The following NKAIN3 variants were observed in gnomAD, a reference collection of about 807,000 sequenced individuals.
NKAIN3 encodes sodium/potassium-transporting ATPase subunit beta-1-interacting protein 3.
NKAIN3 carries 25 observed loss-of-function variants against 30.2 expected under a neutral mutation model. That is an observed-to-expected ratio of 0.83 (90% confidence interval 0.60 to 1.16). The LOEUF is 1.16. Among genes scored for constraint, NKAIN3 ranks in the 50% most tolerant of loss-of-function variants. The pLI is 0.00. For synonymous variants in NKAIN3, 91 were observed against 89.6 expected (o/e 1.02, Z -0.09); for missense variants, 225 against 254.1 (o/e 0.89, Z 0.78).
chr8:62,299,937 G>A (rs1813986485), intron 1 of NKAIN3, among the ~76,000 whole-genome samples: 1 of 152,088 alleles, frequency 6.6e-6, no homozygotes, highest in South Asian at 2.1e-4. Flanking sequence ...GCTTTAAATT[G>A]TAGTGTGGAT....
At chr8:62,613,708 T>C (rs545284321) in intron 3 of NKAIN3, among the ~76,000 whole-genome samples, 1 of 152,226 alleles carries the variant, frequency 6.6e-6, no homozygotes, top group African/African-American at 2.4e-5. Flanking sequence ...TATTGTTTTT[T>C]ATTCCTTTTT....
intron 1 of NKAIN3, among the ~76,000 whole-genome samples, chr8:62,281,325 G>A (rs548644182): frequency 6.6e-6 from 1 of 152,106 alleles, no homozygotes; most frequent in East Asian, 1.9e-4. Flanking sequence ...CAAAAAACCA[G>A]CTCCTGGATT....
chr8:62,631,216 G>C (rs950240145), intron 3 of NKAIN3, among the ~76,000 whole-genome samples: 2 of 152,100 alleles, frequency 1.3e-5, no homozygotes, highest in Admixed American at 6.6e-5. Flanking sequence ...TCTCCAGAGA[G>C]ACATTGTTCC....
At chr8:62,916,776 G>A (rs1045739654) in intron 4 of NKAIN3, among the ~76,000 whole-genome samples, 12 of 152,092 alleles carry the variant, frequency 7.9e-5, no homozygotes, top group African/African-American at 2.7e-4. Flanking sequence ...CTGCGTTATC[G>A]TGGGGATGAA....
intron 5 of NKAIN3, among the ~76,000 whole-genome samples, chr8:62,997,881 A>G (rs1027348435): frequency 2.0e-5 from 3 of 152,170 alleles, no homozygotes; most frequent in African/African-American, 7.2e-5. Context: ...AACTTCAACT[A>G]AAGACTTGTA....
At chr8:62,416,296 A>G (rs1804442626) in intron 1 of NKAIN3, among the ~76,000 whole-genome samples, 1 of 152,068 alleles carries the variant, frequency 6.6e-6, no homozygotes. Flanking sequence ...AGTTTCTTAT[A>G]GTTTTGTGAG....
At chr8:62,788,358 A>G (rs1196688189) in intron 4 of NKAIN3, among the ~76,000 whole-genome samples, 239 of 152,200 alleles carry the variant, frequency 1.6e-3, no homozygotes, top group Non-Finnish European at 2.5e-3. Flanking sequence ...GTCTGTTCAT[A>G]TCCTTCGCCC....
chr8:62,690,275 G>C (rs1487132044), intron 3 of NKAIN3, among the ~76,000 whole-genome samples: 1 of 152,082 alleles, frequency 6.6e-6, no homozygotes, highest in African/African-American at 2.4e-5. Flanking sequence ...ACCAATTACA[G>C]GGCTTCTTAC....
intron 1 of NKAIN3, among the ~76,000 whole-genome samples, chr8:62,559,871 T>C (rs1809515290): frequency 6.6e-6 from 1 of 152,138 alleles, no homozygotes; most frequent in South Asian, 2.1e-4. Context: ...GGTGTCCTGT[T>C]GCTTCAAAAT....
At chr8:62,529,238 T>A (rs1437064972) in intron 1 of NKAIN3, among the ~76,000 whole-genome samples, 1 of 152,184 alleles carries the variant, frequency 6.6e-6, no homozygotes, top group Non-Finnish European at 1.5e-5. Context: ...AACTTGACAT[T>A]TCTTTAATTT....
intron 1 of NKAIN3, among the ~76,000 whole-genome samples, chr8:62,396,007 T>C (rs1163464492): frequency 6.6e-6 from 1 of 152,204 alleles, no homozygotes; most frequent in African/African-American, 2.4e-5. Flanking sequence ...ACCAGAATTA[T>C]AGAAATGTGG....
chr8:62,881,079 A>G (rs1820964536), intron 4 of NKAIN3, among the ~76,000 whole-genome samples: 2 of 152,192 alleles, frequency 1.3e-5, no homozygotes, highest in Non-Finnish European at 2.9e-5. Context: ...AGAGTGTTAC[A>G]TTTATTACAA....
chr8:62,582,253 A>G (rs1810328062), intron 2 of NKAIN3, among the ~76,000 whole-genome samples: 1 of 150,584 alleles, frequency 6.6e-6, no homozygotes. Context: ...AGAGATATTT[A>G]TTGAGCTTCT....
At chr8:62,737,689 A>G (rs1057205827) in intron 3 of NKAIN3, among the ~76,000 whole-genome samples, 7 of 152,234 alleles carry the variant, frequency 4.6e-5, no homozygotes, top group African/African-American at 1.7e-4. Context: ...TTTGGCACCC[A>G]TCAAGTGGAA....
chr8:62,985,926 T>G (rs1265991138), downstream of NKAIN3, among the ~76,000 whole-genome samples: 1 of 152,096 alleles, frequency 6.6e-6, no homozygotes, highest in African/African-American at 2.4e-5. Flanking sequence ...AAATTCATAC[T>G]TTTTTTTCCA....
chr8:62,740,996 G>T (rs900857661), intron 3 of NKAIN3, among the ~76,000 whole-genome samples: 2 of 145,962 alleles, frequency 1.4e-5, no homozygotes, highest in African/African-American at 5.1e-5. Context: ...ACCATTTAAT[G>T]TTCTTACTAC....
At chr8:62,614,346 A>G (rs1385507213) in intron 3 of NKAIN3, among the ~76,000 whole-genome samples, 2 of 151,736 alleles carry the variant, frequency 1.3e-5, no homozygotes, top group Non-Finnish European at 2.9e-5. Flanking sequence ...ACTTTCTCCA[A>G]AACATACAGA....
At position 62,916,548 on chromosome 8, in the gene NKAIN3, T is replaced by C. The variant is rs150787000; in HGVS notation, c.472-1905T>C. ...GTCCCTTCAAGTACACATTACGGCT[T>C]TGTTCAGTCTCACCCTTTGGATCAT... On this transcript the variant is annotated intron_variant, in intron 4 of 6. Coordinates refer to ENST00000623646, the MANE Select transcript of NKAIN3 (RefSeq NM_001304533.3). Among the ~76,000 whole-genome samples the C allele has an allele frequency of 6.0e-4, 92 of 152,260 alleles. No individual in the cohort carries two copies. The East Asian group carries it at 0.015, about 24-fold the overall frequency.
chr8:62,526,629 T>C lies in NKAIN3; in HGVS notation c.55-52910T>C, dbSNP rs544743284. Among the ~76,000 whole-genome samples, 217 of 152,242 alleles carry C rather than the reference T, an allele frequency of 1.4e-3. 1 individual carries two copies. Among genetic ancestry groups the C allele is most frequent in the African/African-American group, 4.8e-3 (198 of 41,558 alleles). The stretch of plus-strand genomic sequence containing the variant: ...AGCATCAGAAGAAAGCTGAAAATCT[T>C]ACTAGATGGAGAAAAATAATGCCAT... On this transcript the variant is annotated intron_variant, in intron 1 of 6. Coordinates refer to ENST00000623646, the MANE Select transcript of NKAIN3 (RefSeq NM_001304533.3).
Sources: gnomAD v4.1 joint callset for allele counts (sites outside exome capture counted in the v4.1 genomes callset) on GRCh38, gnomAD v4.1.1 for gene constraint, MANE v1.5 for transcripts, NCBI Gene and HGNC (gene_info 2026-07-23, HGNC 2026-07-21) for gene names.